RABGEF1: variants seen among roughly 807,000 people sequenced by gnomAD.
RABGEF1 encodes RAB guanine nucleotide exchange factor 1, also known as rab5 GDP/GTP exchange factor.
RABGEF1 carries 26 observed loss-of-function variants against 57.3 expected under a neutral mutation model. The observed-to-expected ratio is 0.45, with a 90% CI of 0.33 to 0.63. The LOEUF is 0.63. Among genes scored for constraint, RABGEF1 ranks in the 20% least tolerant of loss-of-function variants. The pLI is 0.02. For missense variants in RABGEF1, 464 were observed against 607.6 expected (o/e 0.76, Z 2.48); for synonymous variants, 185 against 210.7 (o/e 0.88, Z 1.06).
chr7:66,782,119 C>T (rs939131270), intron 3 of RABGEF1, among the ~76,000 whole-genome samples: 3 of 152,178 alleles, frequency 2.0e-5, no homozygotes, highest in East Asian at 1.9e-4. Flanking sequence ...CTAATCATAC[C>T]GATGTCAACA....
intron 4 of RABGEF1, among the ~76,000 whole-genome samples, chr7:66,795,283 G>A (rs1253902239): frequency 3.3e-5 from 5 of 152,110 alleles, no homozygotes; most frequent in East Asian, 1.9e-4. Flanking sequence ...GCTGTGAGAC[G>A]GACAAGGATC....
At chr7:66,679,845 C>T (rs1360950190), upstream of RABGEF1, among the ~76,000 whole-genome samples, 1 of 152,100 alleles carries the variant, frequency 6.6e-6, no homozygotes, top group Non-Finnish European at 1.5e-5. Context: ...GCCAGGGCGA[C>T]ATGGCAAAAC....
At chr7:66,682,964 T>A (rs534064616) in intron 1 of RABGEF1, among the ~76,000 whole-genome samples, 3 of 152,198 alleles carry the variant, frequency 2.0e-5, no homozygotes, top group South Asian at 2.1e-4. Flanking sequence ...GCTGGCGGTG[T>A]CTCAGCGCGA....
At chr7:66,783,638 A>T in intron 3 of RABGEF1, 37 bp from the exon 4 acceptor site, 1 of 1,537,694 alleles carries the variant, frequency 6.5e-7, no homozygotes, top group Non-Finnish European at 8.8e-7. Flanking sequence ...TGGATCTTTT[A>T]TGTCATGAAA....
chr7:66,667,515 C>T, the RABGEF1 span: 1 of 152,410 alleles, frequency 6.6e-6, no homozygotes, highest in African/African-American at 2.4e-5. Flanking sequence ...TGAGAACCCC[C>T]AAGGCAGCAT....
intron 6 of RABGEF1, among the ~76,000 whole-genome samples, chr7:66,798,110 CCTT>C (rs1279563491): frequency 6.6e-5 from 10 of 152,144 alleles, no homozygotes; most frequent in African/African-American, 1.4e-4. Context: ...GAGCAAGACT[CCTT>C]CTCAAAAAAA....
At chr7:66,689,771 C>T (rs1325748859) in intron 1 of RABGEF1, among the ~76,000 whole-genome samples, 2 of 150,518 alleles carry the variant, frequency 1.3e-5, no homozygotes, top group Admixed American at 1.3e-4. Flanking sequence ...CATTGCACTC[C>T]AGCCTGGGGG....
intron 1 of RABGEF1, among the ~76,000 whole-genome samples, chr7:66,704,320 C>T (rs958226087): frequency 2.0e-5 from 3 of 152,138 alleles, no homozygotes; most frequent in African/African-American, 7.2e-5. Flanking sequence ...TTCAGAGTTC[C>T]AGAAAACTTG....
chr7:66,735,283 C>G (rs998315938), intron 2 of RABGEF1, among the ~76,000 whole-genome samples: 1 of 152,124 alleles, frequency 6.6e-6, no homozygotes, highest in Non-Finnish European at 1.5e-5. Context: ...CTATTCCAAC[C>G]GTGTGTATCC....
chr7:66,765,328 C>G (rs1214340092), intron 1 of RABGEF1, among the ~76,000 whole-genome samples: 1 of 152,162 alleles, frequency 6.6e-6, no homozygotes, highest in Non-Finnish European at 1.5e-5. Flanking sequence ...AGACTCAGAG[C>G]TATTGTTATT....
chr7:66,745,041 A>C (rs2129053256), intron 1 of RABGEF1, among the ~76,000 whole-genome samples: 1 of 152,090 alleles, frequency 6.6e-6, no homozygotes, highest in African/African-American at 2.4e-5. Context: ...AAATACAAAA[A>C]ATTAGCCGGG....
At chr7:66,747,105 T>G (rs1411163688) in intron 1 of RABGEF1, among the ~76,000 whole-genome samples, 1 of 152,134 alleles carries the variant, frequency 6.6e-6, no homozygotes, top group Non-Finnish European at 1.5e-5. Context: ...TAGTGGAACA[T>G]TTTAATTTGT....
intron 3 of RABGEF1, among the ~76,000 whole-genome samples, chr7:66,779,861 T>C (rs1809462240): frequency 6.6e-6 from 1 of 152,050 alleles, no homozygotes; most frequent in Admixed American, 6.6e-5. Context: ...ATAAGTCGCC[T>C]CCTCCCTGCA....
intron 4 of RABGEF1, among the ~76,000 whole-genome samples, chr7:66,789,906 C>G (rs1180038716): frequency 1.3e-5 from 2 of 152,016 alleles, no homozygotes; most frequent in African/African-American, 4.8e-5. Flanking sequence ...AGCTACAAAA[C>G]AAAAGAACAG....
chr7:66,660,162 ACG>A, the RABGEF1 span, among the ~76,000 whole-genome samples: 2 of 151,982 alleles, frequency 1.3e-5, no homozygotes, highest in East Asian at 3.9e-4. Flanking sequence ...CCTGGCTAAC[ACG>A]GTGAAACCCC....
chr7:66,708,240 C>T lies in RABGEF1; in HGVS notation c.-872-3927C>T, dbSNP rs1794353629. Among the ~76,000 whole-genome samples, 6 of 150,374 alleles carry T rather than the reference C, an allele frequency of 4.0e-5. No individual in the cohort carries two copies. The South Asian group carries it at 1.3e-3, about 32-fold the overall frequency. ...GTTCTTTGTGTTTGCCCTGGGATAA[C>T]AATTAACATCTTTGTTTATAGCCAT... On this transcript the variant is annotated intron_variant and NMD_transcript_variant, in intron 1 of 9. Transcript: ENST00000607882.
At chr7:66,801,221 T>C (rs1388566247) in intron 7 of RABGEF1, among the ~76,000 whole-genome samples, 3 of 152,040 alleles carry the variant, frequency 2.0e-5, no homozygotes, top group Non-Finnish European at 4.4e-5. Context: ...ATGGTGGAAG[T>C]TTCCCTTTCT....
chr7:66,704,916 A>T (rs1004304588), intron 1 of RABGEF1, among the ~76,000 whole-genome samples: 2 of 152,028 alleles, frequency 1.3e-5, no homozygotes, highest in Non-Finnish European at 2.9e-5. Context: ...GCCTATATTT[A>T]GTTTTTTAAG....
chr7:66,737,277 A>G (rs1194034607), upstream of RABGEF1, among the ~76,000 whole-genome samples: 1 of 151,860 alleles, frequency 6.6e-6, no homozygotes, highest in African/African-American at 2.4e-5. Flanking sequence ...GTCTTGCTCT[A>G]TTGCCCAGGG....
Sources: gnomAD v4.1 joint callset for allele counts (sites outside exome capture counted in the v4.1 genomes callset) on GRCh38, gnomAD v4.1.1 for gene constraint, MANE v1.5 for transcripts, NCBI Gene and HGNC (gene_info 2026-07-23, HGNC 2026-07-21) for gene names.